Variants in PLAC1 observed in about 807,000 individuals in gnomAD.
PLAC1 encodes the protein placenta associated 1.
For missense variants in PLAC1, 136 were observed against 163.2 expected (o/e 0.83, Z 0.91); for synonymous variants, 68 against 62.1 (o/e 1.09, Z -0.44).
chrX:134,703,023 G>A (rs896804324), intron 2 of PLAC1, among the ~76,000 whole-genome samples: 2 of 112,150 alleles, frequency 1.8e-5, no homozygotes. Context: ...CAAAAAAGGT[G>A]TTAAATTGTG....
intron 2 of PLAC1, among the ~76,000 whole-genome samples, chrX:134,582,623 G>A (rs2077980233): frequency 8.9e-6 from 1 of 111,964 alleles, no homozygotes; most frequent in East Asian, 2.8e-4. Context: ...GGTGTTAGTA[G>A]TATTCTTGTT....
At chrX:134,568,581 C>T (rs1203648647) in intron 2 of PLAC1, among the ~76,000 whole-genome samples, 5 of 111,645 alleles carry the variant, frequency 4.5e-5, no homozygotes, top group African/African-American at 6.5e-5. Context: ...CAGGCTCCTT[C>T]CTCTTTGTTC....
chrX:134,589,099 G>A (rs2078021530), intron 2 of PLAC1, among the ~76,000 whole-genome samples: 1 of 111,195 alleles, frequency 9.0e-6, no homozygotes, highest in Admixed American at 9.5e-5. Context: ...TTCCTAACTG[G>A]CTGGCAGGGA....
intron 1 of PLAC1, among the ~76,000 whole-genome samples, chrX:134,751,015 C>T (rs1342945046): frequency 1.3e-5 from 1 of 78,691 alleles, no homozygotes; most frequent in Non-Finnish European, 2.3e-5. Context: ...CCCAGCTACT[C>T]AGGAGGTTGA....
chrX:134,589,836 C>A (rs2078026406), intron 2 of PLAC1, among the ~76,000 whole-genome samples: 1 of 110,977 alleles, frequency 9.0e-6, no homozygotes, highest in African/African-American at 3.3e-5. Flanking sequence ...CCAGGGCATC[C>A]CTGTAGCTAT....
At chrX:134,640,881 G>T (rs1431163999) in intron 1 of PLAC1, among the ~76,000 whole-genome samples, 1 of 112,148 alleles carries the variant, frequency 8.9e-6, no homozygotes, top group Non-Finnish European at 1.9e-5. Context: ...GGACGCTGAG[G>T]TGGGAGGATC....
chrX:134,600,774 A>T (rs1431480759), intron 2 of PLAC1: 2 of 111,464 alleles, frequency 1.8e-5, no homozygotes, highest in African/African-American at 6.5e-5. Flanking sequence ...TTCAAATTAA[A>T]AAAATTTGGA....
intron 2 of PLAC1, among the ~76,000 whole-genome samples, chrX:134,717,242 G>A (rs2078645921): frequency 9.0e-6 from 1 of 111,652 alleles, no homozygotes; most frequent in African/African-American, 3.3e-5. Flanking sequence ...TCAGGGAGAA[G>A]TACATTGCGC....
intron 1 of PLAC1, among the ~76,000 whole-genome samples, chrX:134,608,140 C>T (rs1009515588): frequency 1.8e-5 from 2 of 111,975 alleles, no homozygotes; most frequent in African/African-American, 6.5e-5. Flanking sequence ...GTAAGTTAAA[C>T]ACAGAATTAC....
intron 2 of PLAC1, among the ~76,000 whole-genome samples, chrX:134,724,662 C>T (rs2078668373): frequency 8.9e-6 from 1 of 112,580 alleles, no homozygotes; most frequent in African/African-American, 3.2e-5. Context: ...TCCTCCCAGT[C>T]TTTTTCCATG....
At chrX:134,734,410 C>T (rs1420562639) in intron 1 of PLAC1, among the ~76,000 whole-genome samples, 5 of 112,671 alleles carry the variant, frequency 4.4e-5, no homozygotes, top group Admixed American at 9.3e-5. Context: ...CCTTTCTCTG[C>T]TCTTGGGACC....
At chrX:134,719,844 A>T (rs1273111319) in intron 2 of PLAC1, among the ~76,000 whole-genome samples, 1 of 111,690 alleles carries the variant, frequency 9.0e-6, no homozygotes, top group Non-Finnish European at 1.9e-5. Context: ...ACTAGAAAGT[A>T]ACTTTTAATC....
chrX:134,643,773 A>T (rs1436485932), intron 1 of PLAC1, among the ~76,000 whole-genome samples: 1 of 110,977 alleles, frequency 9.0e-6, no homozygotes, highest in East Asian at 2.8e-4. Context: ...AGAAAGGTAC[A>T]GAAAACTTCA....
intron 2 of PLAC1, among the ~76,000 whole-genome samples, chrX:134,680,136 T>C (rs1393794745): frequency 8.9e-6 from 1 of 111,812 alleles, no homozygotes; most frequent in African/African-American, 3.3e-5. Flanking sequence ...ATATTGCAAT[T>C]TGGACATTTT....
intron 2 of PLAC1, among the ~76,000 whole-genome samples, chrX:134,687,233 C>T (rs949798721): frequency 8.9e-6 from 1 of 111,780 alleles, no homozygotes; most frequent in Non-Finnish European, 1.9e-5. Context: ...ACAAAACTCT[C>T]CCCTTGCCCA....
chrX:134,606,940 C>T (rs749056729), intron 1 of PLAC1, among the ~76,000 whole-genome samples: 1 of 111,983 alleles, frequency 8.9e-6, no homozygotes, highest in African/African-American at 3.2e-5. Flanking sequence ...GTTCACTATT[C>T]GAGTGATGAG....
chrX:134,651,243 T>C (rs950271735), intron 1 of PLAC1: 2 of 205,425 alleles, frequency 9.7e-6, no homozygotes, highest in African/African-American at 3.0e-5. Flanking sequence ...CCAAGTGAAA[T>C]TGTGGGCAAG....
At chrX:134,746,780 TG>T (rs1259586236) in intron 1 of PLAC1, among the ~76,000 whole-genome samples, 1 of 112,155 alleles carries the variant, frequency 8.9e-6, no homozygotes, top group Non-Finnish European at 1.9e-5. Context: ...CTGCACAATT[TG>T]AGGTGAAAGG....
chrX:134,575,747 C>T (rs1412042289), intron 2 of PLAC1, among the ~76,000 whole-genome samples: 2 of 92,918 alleles, frequency 2.2e-5, no homozygotes, highest in African/African-American at 4.0e-5. Flanking sequence ...CCAGCGTGGG[C>T]GACAGAATAA....
Sources: allele counts gnomAD v4.1 joint callset (sites outside exome capture counted in the v4.1 genomes callset), GRCh38; gene constraint gnomAD v4.1.1; transcripts MANE v1.5; gene names NCBI Gene and HGNC (gene_info 2026-07-23, HGNC 2026-07-21).